Variants in ATXN8OS observed in about 807,000 individuals in gnomAD.
The protein encoded by ATXN8OS is ATXN8 opposite strand (non-protein coding).
At chr13:70,127,771 G>T (rs1337904716) in intron 2 of ATXN8OS, among the ~76,000 whole-genome samples, 1 of 151,730 alleles carries the variant, frequency 6.6e-6, no homozygotes, top group African/African-American at 2.4e-5. Context: ...AAGCAATACT[G>T]TCTAATAAAA....
intron 2 of ATXN8OS, among the ~76,000 whole-genome samples, chr13:70,117,676 G>A (rs1346788942): frequency 6.6e-6 from 1 of 151,952 alleles, no homozygotes; most frequent in Non-Finnish European, 1.5e-5. Context: ...GTATAACCTT[G>A]GGCAAAGTAC....
At chr13:70,139,371 A>ACTG (rs1566606466) in intron 3 of ATXN8OS, 9 of 643,208 alleles carry the variant, frequency 1.4e-5, no homozygotes, top group East Asian at 3.0e-5. Flanking sequence ...TACTACTACT[A>ACTG]CTACTACTAC....
chr13:70,119,322 G>A, intron 2 of ATXN8OS, among the ~76,000 whole-genome samples: 1 of 152,014 alleles, frequency 6.6e-6, no homozygotes, highest in East Asian at 1.9e-4. Flanking sequence ...TTTTTAACAA[G>A]AGAGAATTTT....
chr13:70,164,754 A>G (rs1408102394), intron 4 of ATXN8OS, among the ~76,000 whole-genome samples: 1 of 152,008 alleles, frequency 6.6e-6, no homozygotes, highest in Admixed American at 6.6e-5. Flanking sequence ...TCCTTTGTTC[A>G]AGTTGCCTGG....
chr13:70,112,921 T>TATATA (rs71116991), intron 1 of ATXN8OS, among the ~76,000 whole-genome samples: 6,432 of 51,684 alleles, frequency 0.12, 363 homozygotes, highest in East Asian at 0.42. Context: ...ATATATATAA[T>TATATA]TTTTTTTTTT....
At chr13:70,107,455 G>T, upstream of ATXN8OS, 2 of 1,614,080 alleles carry the variant, frequency 1.2e-6, no homozygotes, top group Non-Finnish European at 1.7e-6. Flanking sequence ...GGAAGAGGAC[G>T]GGGAGGACGA....
intron 1 of ATXN8OS, chr13:70,115,099 T>A (rs1012588809): frequency 3.8e-4 from 150 of 397,338 alleles, no homozygotes; most frequent in Non-Finnish European, 6.0e-4. Flanking sequence ...GAACACTACA[T>A]ACTGGGTAAT....
intron 4 of ATXN8OS, among the ~76,000 whole-genome samples, chr13:70,162,999 A>G (rs1286930746): frequency 6.6e-6 from 1 of 151,434 alleles, no homozygotes; most frequent in Non-Finnish European, 1.5e-5. Context: ...ACTCAGTGAC[A>G]CCACTGTCTT....
chr13:70,140,395 C>A (rs1046565340), intron 3 of ATXN8OS, among the ~76,000 whole-genome samples: 2 of 151,932 alleles, frequency 1.3e-5, no homozygotes, highest in African/African-American at 4.8e-5. Context: ...CTATCTGTAT[C>A]TTAAATACTT....
intron 4 of ATXN8OS, among the ~76,000 whole-genome samples, chr13:70,153,767 C>G (rs1888902258): frequency 6.6e-6 from 1 of 152,070 alleles, no homozygotes; most frequent in Non-Finnish European, 1.5e-5. Context: ...GCAGCCTTGA[C>G]TTCCCAGGCT....
rs565598003 is a variant in ATXN8OS, at chr13:70,114,796, A to G, written n.241-345A>G. ...GTAGGCATTATAAAACAGGCTTAAT[A>G]TGAAAAGAAGTAGAATCAACTGGCC... On this transcript the variant is annotated intron_variant and non_coding_transcript_variant, in intron 1 of 4. Coordinates refer to ENST00000678624, the Ensembl canonical transcript of ATXN8OS. Among the ~76,000 whole-genome samples the G allele has an allele frequency of 1.9e-4, 29 of 152,324 alleles. No homozygotes were observed. In the South Asian group the frequency reaches 2.9e-3, roughly 15 times the overall value.
chr13:70,163,341 T>A (rs1269779016), intron 4 of ATXN8OS, among the ~76,000 whole-genome samples: 1 of 151,998 alleles, frequency 6.6e-6, no homozygotes, highest in Non-Finnish European at 1.5e-5. Context: ...GGCATCTAAG[T>A]CCAGGATCTT....
At chr13:70,131,846 G>T (rs899874862) in intron 3 of ATXN8OS, among the ~76,000 whole-genome samples, 1 of 151,934 alleles carries the variant, frequency 6.6e-6, no homozygotes, top group South Asian at 2.1e-4. Context: ...TTCACTATGC[G>T]ACACCTAACT....
chr13:70,163,559 T>C (rs976164947), intron 4 of ATXN8OS, among the ~76,000 whole-genome samples: 1 of 152,028 alleles, frequency 6.6e-6, no homozygotes, highest in Non-Finnish European at 1.5e-5. Context: ...TATTTGATAG[T>C]AATTTCAAAG....
At chr13:70,119,850 G>A (rs1888332450) in intron 2 of ATXN8OS, among the ~76,000 whole-genome samples, 1 of 151,758 alleles carries the variant, frequency 6.6e-6, no homozygotes, top group Non-Finnish European at 1.5e-5. Flanking sequence ...AAACATGAAT[G>A]AATTTCATGT....
chr13:70,159,976 A>G (rs1456461238), intron 4 of ATXN8OS, among the ~76,000 whole-genome samples: 6 of 152,212 alleles, frequency 3.9e-5, no homozygotes, highest in Non-Finnish European at 8.8e-5. Flanking sequence ...TTATAAATAG[A>G]CCTGCTATAA....
At chr13:70,116,653 G>A (rs1593756547) in intron 2 of ATXN8OS, among the ~76,000 whole-genome samples, 1 of 152,158 alleles carries the variant, frequency 6.6e-6, no homozygotes, top group Non-Finnish European at 1.5e-5. Flanking sequence ...AGCCATTGGA[G>A]GATTTGGAGC....
In ATXN8OS at chr13:70,107,931, G is replaced by A. The variant is rs111575544; in HGVS notation, n.152G>A. ...CGGGTCCGCAGGACCTGGGCGTGGG[G>A]ACACCACCAGGCAGGAGCAGAGGCA... is the stretch of plus-strand genomic sequence containing the variant. On this transcript the variant is annotated non_coding_transcript_exon_variant, in exon 1 of 5. Transcript: ENST00000678624. 1,526 of 493,264 alleles carry A rather than the reference G, an allele frequency of 3.1e-3. 21 individuals carry two copies. Among genetic ancestry groups the A allele is most frequent in the African/African-American group, 0.027 (1,402 of 51,214 alleles). The allele number at this position is 493,264 out of a possible 1,614,324, so 30.6% of individuals were successfully genotyped here.
rs1245216936 is a variant in ATXN8OS, at chr13:70,160,761, A to C, written n.574-8992A>C. 3.0e-3 allele frequency among the ~76,000 whole-genome samples: 90 copies of C among 30,466 alleles called. 37 individuals carry two copies. Among genetic ancestry groups the C allele is most frequent in the Non-Finnish European group, 7.4e-3 (70 of 9,416 alleles). 20.0% of individuals were successfully genotyped at this position (30,466 alleles called of 152,430 possible). On this transcript the variant is annotated intron_variant and non_coding_transcript_variant, in intron 4 of 4. Transcript: ENST00000678624. ...AATTTTTATATATAATTTTATATTT[A>C]TATAATATGTAAATATATAAATATT...
Sources: gnomAD v4.1 joint callset for allele counts (sites outside exome capture counted in the v4.1 genomes callset) on GRCh38, gnomAD v4.1.1 for gene constraint, MANE v1.5 for transcripts, NCBI Gene and HGNC (gene_info 2026-07-23, HGNC 2026-07-21) for gene names.